Variants in SYNE1 observed in about 807,000 individuals in gnomAD.
SYNE1 encodes spectrin repeat containing nuclear envelope protein 1, also known as nesprin-1.
SYNE1 carries 616 observed loss-of-function variants against 1,111.0 expected under a neutral mutation model. The ratio of observed to expected loss-of-function variants is 0.55; its 90% CI spans 0.52 to 0.59. The LOEUF is 0.59. Among genes scored for constraint, SYNE1 ranks in the 20% least tolerant of loss-of-function variants. SYNE1 has a pLI of 0.00. For synonymous variants in SYNE1, 3,855 were observed against 3,825.8 expected (o/e 1.01, Z -0.28); for missense variants, 10,006 against 10,417.0 (o/e 0.96, Z 1.72).
chr6:152,318,435 TATGTTG>T, intron 85 of SYNE1, 172 bp from the exon 86 acceptor site: 1 of 717,772 alleles, frequency 1.4e-6, no homozygotes, highest in East Asian at 2.7e-5. Context: ...CAGGGCAGGA[TATGTTG>T]TAATGCTGGT....
chr6:152,443,080 C>T (rs2098547330), intron 30 of SYNE1, among the ~76,000 whole-genome samples: 1 of 152,076 alleles, frequency 6.6e-6, no homozygotes. Flanking sequence ...GTACATAAAT[C>T]TCAGATATGC....
At chr6:152,568,150 T>A (rs1210919165) in intron 3 of SYNE1, among the ~76,000 whole-genome samples, 3 of 152,032 alleles carry the variant, frequency 2.0e-5, no homozygotes, top group Non-Finnish European at 4.4e-5. Flanking sequence ...ATTTTAGGCC[T>A]AAAAATAACT....
intron 145 of SYNE1, chr6:152,126,915 T>G (rs1205940015): frequency 2.6e-5 from 4 of 152,228 alleles, no homozygotes; most frequent in Non-Finnish European, 4.4e-5. Flanking sequence ...GAGAAGAAAC[T>G]TCTAATTTAT....
intron 9 of SYNE1, among the ~76,000 whole-genome samples, chr6:152,503,128 C>T (rs1287734578): frequency 6.6e-6 from 1 of 152,040 alleles, no homozygotes; most frequent in Non-Finnish European, 1.5e-5. Context: ...AATTTTAGAA[C>T]TGGCATAAAT....
At position 152,344,070 on chromosome 6, in the gene SYNE1, G is replaced by C; in HGVS notation, c.12225+11C>G. ...TCACAAGAATAACACAAACTTTCAG[G>C]AGTTTACTACCTGCTTAATGGCTTC... On this transcript the variant is annotated intron_variant, in intron 74 of 145. Transcript: ENST00000367255. 3.1e-6 allele frequency: 5 copies of C among 1,614,108 alleles called. No individual in the cohort carries two copies. Among genetic ancestry groups the C allele is most frequent in the Non-Finnish European group, 4.2e-6 (5 of 1,179,996 alleles).
In SYNE1 at chr6:152,186,453, G is replaced by A. The variant is rs148857813; in HGVS notation, c.23301+2799C>T. On this transcript the variant is annotated intron_variant, in intron 128 of 145. Transcript: ENST00000367255. ...TGCCTGTAATCTCAGTTACTCGGGA[G>A]GCTGAGGCAAGAGAATCACTTGTAC... 5.3e-5 allele frequency among the ~76,000 whole-genome samples: 8 copies of A among 150,796 alleles called. No homozygotes were observed. The East Asian group carries it at 1.6e-3, about 30-fold the overall frequency.
In SYNE1 at chr6:152,400,462, G is replaced by A. The variant is rs575617562; in HGVS notation, c.7030-639C>T. On this transcript the variant is annotated intron_variant, in intron 47 of 145. Transcript: ENST00000367255. ...GTGGATCATTTGAGGTCAGGAGTTCGAGACCAGCCTGGCCAACATGATGAA... is the reference window on the plus strand; with the variant it reads ...GTGGATCATTTGAGGTCAGGAGTTCAAGACCAGCCTGGCCAACATGATGAA... 2.8e-3 allele frequency among the ~76,000 whole-genome samples: 430 copies of A among 152,114 alleles called. 2 individuals are homozygous for A. Among genetic ancestry groups the A allele is most frequent in the Admixed American group, 6.3e-3 (96 of 15,272 alleles).
intron 4 of SYNE1, among the ~76,000 whole-genome samples, chr6:152,532,436 T>C (rs145209292): frequency 6.6e-5 from 10 of 152,256 alleles, no homozygotes; most frequent in Admixed American, 5.9e-4. Flanking sequence ...TAAACACATA[T>C]CCTATGGCTT....
intron 130 of SYNE1, among the ~76,000 whole-genome samples, chr6:152,167,261 C>T (rs2063846459): frequency 6.6e-6 from 1 of 152,164 alleles, no homozygotes; most frequent in African/African-American, 2.4e-5. Context: ...TATATACGTA[C>T]TTACACATAT....
chr6:152,611,311 C>A (rs545437250), intron 3 of SYNE1, among the ~76,000 whole-genome samples: 131 of 88,312 alleles, frequency 1.5e-3, no homozygotes, highest in African/African-American at 5.6e-3. Flanking sequence ...ATCTACCAAG[C>A]AAATGGAAAG....
chr6:152,218,722 T>C lies in SYNE1; in HGVS notation c.22044+281A>G, dbSNP rs2813541. 0.97 allele frequency among the ~76,000 whole-genome samples: 147,754 copies of C among 152,308 alleles called. 71,716 individuals carry two copies. Among genetic ancestry groups the C allele is most frequent in the East Asian group, 1 (5,179 of 5,180 alleles). The stretch of plus-strand genomic sequence containing the variant: ...TCTGAGTTAAATAAACACGAATATT[T>C]ATATTAAAGCCGCTTAGTGTTTATT... On this transcript the variant is annotated intron_variant, in intron 120 of 145. Coordinates refer to ENST00000367255, the MANE Select transcript of SYNE1 (RefSeq NM_182961.4).
rs536909470 is a variant in SYNE1 at position 152,505,325 on chromosome 6, A to G, written c.654T>C (p.His218=). Residue 218 remains histidine, a synonymous_variant, in exon 9 of 146, where the codon CAT becomes CAC. Transcript: ENST00000367255. ...AGTCCACCAATTCCGGTCGAATGGC[A>G]TGAATAACTGAATGAAAGGCAACCC... ...RSGVAFHSVI[H]AIRPELVDLE... The G allele has an allele frequency of 6.2e-7, 1 of 1,614,150 alleles. No individual in the cohort carries two copies. The highest frequency in any genetic ancestry group is 8.5e-7 in the Non-Finnish European group (1 of 1,180,022).
chr6:152,218,128 G>A (rs1039146481), intron 121 of SYNE1, 129 bp downstream of exon 121: 2 of 1,066,658 alleles, frequency 1.9e-6, no homozygotes, highest in Non-Finnish European at 2.9e-6. Flanking sequence ...GAAAGCAGAG[G>A]TTGCAGTGAG....
Position 152,132,144 on chromosome 6 carries a change from C to T in SYNE1, c.26072G>A (p.Ser8691Asn), listed in dbSNP as rs753533241. 8.7e-6 allele frequency: 14 copies of T among 1,614,032 alleles called. No individual in the cohort carries two copies. The highest frequency in any genetic ancestry group is 3.3e-4 in the Middle Eastern group (2 of 6,084). The part of the protein sequence containing the change: ...SGSVSPTSGR[S>N]TPNRQKTPRG... ...TACCGTTTTCTGTCTGTTTGGGGTG[C>T]TCCTTCCTGATGTGGGACTCACAGA... The change falls in exon 144 of 146, where the codon AGC becomes AAC. Residue 8691 changes from serine (S) to asparagine (N), a missense_variant. Ser to Asn is a conservative substitution (Grantham distance 46). Around this residue, in one of 7 missense-constraint regions of SYNE1, gnomAD observed 761 missense variants for 795.5 expected, o/e 0.96. Transcript: ENST00000367255.
chr6:152,280,654 A>G (rs1447110630), intron 97 of SYNE1, among the ~76,000 whole-genome samples: 1 of 152,210 alleles, frequency 6.6e-6, no homozygotes, highest in Non-Finnish European at 1.5e-5. Flanking sequence ...ATATCTTCAC[A>G]AGAGAGAGGT....
At chr6:152,513,683 T>C (rs1281290844) in intron 6 of SYNE1, among the ~76,000 whole-genome samples, 1 of 151,854 alleles carries the variant, frequency 6.6e-6, no homozygotes, top group Non-Finnish European at 1.5e-5. Context: ...ATCATCAGAG[T>C]GAACAGGCAA....
chr6:152,155,465 G>A (rs1304112382), intron 132 of SYNE1: 2 of 310,146 alleles, frequency 6.4e-6, no homozygotes, highest in Non-Finnish European at 1.2e-5. Flanking sequence ...TATGACAGCA[G>A]GACAAATATT....
intron 51 of SYNE1, among the ~76,000 whole-genome samples, chr6:152,394,225 A>T (rs979074674): frequency 6.6e-6 from 1 of 152,150 alleles, no homozygotes; most frequent in Non-Finnish European, 1.5e-5. Flanking sequence ...CCAGTCTATC[A>T]CTGATGGGCA....
In SYNE1 at chr6:152,462,769, A is replaced by G. The variant is rs1490051755; in HGVS notation, c.2219T>C (p.Met740Thr). The G allele has an allele frequency of 1.2e-6, 2 of 1,613,966 alleles. No individual in the cohort carries two copies. The highest frequency in any genetic ancestry group is 1.3e-5 in the African/African-American group (1 of 74,932). The change falls in exon 20 of 146, where the codon ATG (methionine) becomes ACG (threonine). Residue 740 changes from methionine (M) to threonine (T), a missense_variant. Physicochemically the swap from Met to Thr is moderately conservative, Grantham distance 81. This residue lies in a region of SYNE1 where 1,971 missense variants were observed against 2,084.1 expected (regional missense o/e 0.95). Coordinates refer to ENST00000367255, the MANE Select transcript of SYNE1 (RefSeq NM_182961.4). ...GTCTTGAATTAATAGCTTGACATTC[A>G]TAAAAGAGACTTCTAAGGGTTCAGA... Reference protein sequence around the residue: ...KLSEPLEVSFMNVKLLIQDLE... With the variant: ...KLSEPLEVSFTNVKLLIQDLE...
Sources: gnomAD v4.1 joint callset for allele counts (sites outside exome capture counted in the v4.1 genomes callset) on GRCh38, gnomAD v4.1.1 for gene constraint, gnomAD v4.1.1 regional missense constraint, MANE v1.5 for transcripts, NCBI Gene and HGNC (gene_info 2026-07-23, HGNC 2026-07-21) for gene names.